The following POM121 variants were observed in gnomAD, a reference collection of about 807,000 sequenced individuals.
The protein encoded by POM121 is nuclear envelope pore membrane protein POM 121.
A neutral mutation model predicts 81.3 loss-of-function variants in POM121; 32 were observed. The ratio of observed to expected loss-of-function variants is 0.39; its 90% CI spans 0.30 to 0.53. POM121 has a LOEUF of 0.53. POM121 is among the 20% of genes least tolerant of loss of function. POM121 has a pLI of 0.66. For synonymous variants in POM121, 514 were observed against 694.2 expected (o/e 0.74, Z 4.08); for missense variants, 1,138 against 1,614.6 (o/e 0.70, Z 5.06).
intron 1 of POM121, 59 bp downstream of exon 1, chr7:72,925,824 C>A (rs1288837998): frequency 1.5e-6 from 2 of 1,298,502 alleles, no homozygotes; most frequent in African/African-American, 3.1e-5. Flanking sequence ...AAATCGAGGA[C>A]TTGACTTTTA....
intron 3 of POM121, among the ~76,000 whole-genome samples, chr7:72,892,340 A>G (rs1340371160): frequency 2.0e-5 from 3 of 152,198 alleles, no homozygotes; most frequent in African/African-American, 7.2e-5. Context: ...CTTCTTTCTC[A>G]GAATGTCTGA....
At chr7:72,899,622 A>G (rs1222228205) in intron 3 of POM121, among the ~76,000 whole-genome samples, 3 of 135,726 alleles carry the variant, frequency 2.2e-5, no homozygotes, top group African/African-American at 8.4e-5. Flanking sequence ...TCTGTCGCCC[A>G]GGCTGGAGTG....
chr7:72,929,306 G>C (rs1248619794), intron 4 of POM121, among the ~76,000 whole-genome samples: 3 of 152,218 alleles, frequency 2.0e-5, no homozygotes, highest in Non-Finnish European at 4.4e-5. Flanking sequence ...GGATCCGTGG[G>C]TGAAAGAGGA....
intron 1 of POM121, among the ~76,000 whole-genome samples, chr7:72,884,550 A>AATATATATTTGATAGCAAATATAT (rs1563129793): frequency 1.1e-4 from 4 of 35,236 alleles, no homozygotes; most frequent in East Asian, 1.6e-3. Context: ...ATATACATAT[A>AATATATATTTGATAGCAAATATAT]ATATATATTT....
At chr7:72,895,123 C>T (rs782418905) in intron 3 of POM121, among the ~76,000 whole-genome samples, 21 of 152,214 alleles carry the variant, frequency 1.4e-4, no homozygotes, top group African/African-American at 1.9e-4. Context: ...CCACAGCACC[C>T]GGCCTGTCTG....
At chr7:72,906,180 G>C (rs1793216204) in intron 3 of POM121, among the ~76,000 whole-genome samples, 1 of 152,158 alleles carries the variant, frequency 6.6e-6, no homozygotes, top group Non-Finnish European at 1.5e-5. Flanking sequence ...CTTTAAATGG[G>C]GTGAGGCAGA....
At chr7:72,897,579 C>T (rs1336539806) in intron 3 of POM121, among the ~76,000 whole-genome samples, 2 of 152,182 alleles carry the variant, frequency 1.3e-5, no homozygotes, top group Non-Finnish European at 2.9e-5. Flanking sequence ...AAAGATCTCT[C>T]TGGCCTCTCT....
At chr7:72,934,673 G>C (rs1796341456) in intron 5 of POM121, among the ~76,000 whole-genome samples, 1 of 152,104 alleles carries the variant, frequency 6.6e-6, no homozygotes. Flanking sequence ...TGTGAGGTTG[G>C]AATCAAAATT....
chr7:72,882,386 T>G (rs1277415014), intron 1 of POM121, among the ~76,000 whole-genome samples: 1 of 152,204 alleles, frequency 6.6e-6, no homozygotes, highest in Non-Finnish European at 1.5e-5. Flanking sequence ...TCACCATCCA[T>G]GACATCGTTT....
chr7:72,912,600 C>G (rs1563145604), intron 3 of POM121, among the ~76,000 whole-genome samples: 1 of 152,072 alleles, frequency 6.6e-6, no homozygotes, highest in Non-Finnish European at 1.5e-5. Flanking sequence ...CATGGTGAAA[C>G]CCCGTATCTA....
At chr7:72,900,415 A>G (rs1289036534) in intron 3 of POM121, among the ~76,000 whole-genome samples, 1 of 149,092 alleles carries the variant, frequency 6.7e-6, no homozygotes, top group Admixed American at 6.7e-5. Context: ...CTTATTTTTA[A>G]TTGATCTTTT....
intron 5 of POM121, among the ~76,000 whole-genome samples, chr7:72,932,594 G>A (rs1796124704): frequency 6.6e-6 from 1 of 152,188 alleles, no homozygotes; most frequent in Admixed American, 6.5e-5. Context: ...CCAGGTCAAA[G>A]GTTAAATGCG....
intron 3 of POM121, among the ~76,000 whole-genome samples, chr7:72,898,795 C>CAA (rs36029915): frequency 0.028 from 1,606 of 56,978 alleles, 42 homozygotes; most frequent in Non-Finnish European, 0.038. Context: ...GAGACTGTCT[C>CAA]AAAAAAAAAA....
Position 72,945,686 on chromosome 7 carries a change from C to G in POM121, c.3630C>G (p.Gly1210=), listed in dbSNP as rs782524631. 6.2e-7 allele frequency: 1 copy of G among 1,611,512 alleles called. No individual in the cohort carries two copies. Among genetic ancestry groups the G allele is most frequent in the Non-Finnish European group, 8.5e-7 (1 of 1,178,842 alleles). The change falls in exon 12 of 13, where the codon GGC becomes GGG. Residue 1210 remains glycine, a synonymous_variant. Coordinates refer to ENST00000434423, the MANE Select transcript of POM121 (RefSeq NM_001387691.1). The part of the protein sequence containing the change: ...SFGASSAPAQ[G]FVGVAPFGSA... ...GGGCATCCTCAGCACCCGCCCAAGGCTTTGTTGGTGTTGCACCTTTCGGTA... is the reference window on the plus strand; with the variant it reads ...GGGCATCCTCAGCACCCGCCCAAGGGTTTGTTGGTGTTGCACCTTTCGGTA...
rs1554497524 is a variant in POM121 at position 72,926,480 on chromosome 7, G to A, written c.860+3G>A. 1 of 1,613,926 alleles carries A rather than the reference G, an allele frequency of 6.2e-7. No homozygotes were observed. Among genetic ancestry groups the A allele is most frequent in the Admixed American group, 1.7e-5 (1 of 60,016 alleles). On this transcript the variant is annotated splice_donor_region_variant and intron_variant, in intron 2 of 12. Transcript: ENST00000434423. ...AGAAGATTTTCGCGTTCTGCGATGT[G>A]AGTATTATCGTTGGAAGAATACTCT...
At position 72,943,422 on chromosome 7, in the gene POM121, C is replaced by T. The variant is rs371905950; in HGVS notation, c.3429C>T (p.Phe1143=). 25 of 1,612,728 alleles carry T rather than the reference C, an allele frequency of 1.6e-5. No individual in the cohort carries two copies. In the East Asian group the frequency reaches 2.7e-4, roughly 17 times the overall value. Residue 1143 remains phenylalanine, a synonymous_variant, in exon 11 of 13, where the codon TTC becomes TTT. Coordinates refer to ENST00000434423, the MANE Select transcript of POM121 (RefSeq NM_001387691.1). ...QSGSTATSTP[F]AGGLGQNALG... Reference sequence around the variant, plus strand: ...GGAGCACAGCCACCTCCACCCCCTTCGCAGGGGGCTTAGGTCAGAACGCCC... The same window carrying T: ...GGAGCACAGCCACCTCCACCCCCTTTGCAGGGGGCTTAGGTCAGAACGCCC...
At chr7:72,922,682 C>T (rs1794925783), upstream of POM121, among the ~76,000 whole-genome samples, 1 of 152,070 alleles carries the variant, frequency 6.6e-6, no homozygotes, top group Admixed American at 6.6e-5. Flanking sequence ...AGCCACCATG[C>T]CCGGCCCAGA....
At chr7:72,912,889 C>T (rs1554494511) in intron 3 of POM121, among the ~76,000 whole-genome samples, 2 of 152,132 alleles carry the variant, frequency 1.3e-5, no homozygotes. Flanking sequence ...TCAGTGTCCG[C>T]GTCATCAGTG....
intron 5 of POM121, among the ~76,000 whole-genome samples, chr7:72,933,331 C>T (rs562362007): frequency 2.6e-4 from 40 of 152,220 alleles, no homozygotes; most frequent in East Asian, 1.2e-3. Context: ...CCAGCCTGGA[C>T]GACAGAGTGA....
Sources: gnomAD v4.1 joint callset for allele counts (sites outside exome capture counted in the v4.1 genomes callset) on GRCh38, gnomAD v4.1.1 for gene constraint, MANE v1.5 for transcripts, NCBI Gene and HGNC (gene_info 2026-07-23, HGNC 2026-07-21) for gene names.